Variants in MARK1 observed in about 807,000 individuals in gnomAD.
MARK1 encodes the protein serine/threonine-protein kinase MARK1.
In MARK1, 40 loss-of-function variants were observed where a neutral mutation model predicts 96.3. That is an observed-to-expected ratio of 0.42 (90% CI 0.32 to 0.54). The LOEUF is 0.54. Among genes scored for constraint, MARK1 ranks in the 20% least tolerant of loss-of-function variants. MARK1 has a pLI of 0.16. For synonymous variants in MARK1, 317 were observed against 341.2 expected, an observed-to-expected ratio of 0.93 and a Z score of 0.78; for missense variants, 719 against 984.6, an observed-to-expected ratio of 0.73 and a Z score of 3.61.
chr1:220,640,770 G>A (rs1314282849), intron 13 of MARK1, among the ~76,000 whole-genome samples: 1 of 152,098 alleles, frequency 6.6e-6, no homozygotes, highest in East Asian at 1.9e-4. Context: ...ATAAGAGGGG[G>A]CCAAATATGC....
intron 6 of MARK1, among the ~76,000 whole-genome samples, chr1:220,612,062 A>G (rs1028903585): frequency 3.3e-5 from 5 of 152,324 alleles, no homozygotes; most frequent in African/African-American, 1.2e-4. Flanking sequence ...TTATTCATTT[A>G]ATATCAGTCA....
chr1:220,616,335 C>T (rs551198339), intron 7 of MARK1, among the ~76,000 whole-genome samples: 6 of 152,242 alleles, frequency 3.9e-5, no homozygotes, highest in East Asian at 1.9e-4. Flanking sequence ...GTTTCCCTTA[C>T]GTAAGAGACA....
At chr1:220,642,789 G>A (rs1422094165) in intron 13 of MARK1, among the ~76,000 whole-genome samples, 2 of 152,192 alleles carry the variant, frequency 1.3e-5, no homozygotes, top group African/African-American at 4.8e-5. Context: ...GCAATCTGCT[G>A]TTCTGCAGCC....
At chr1:220,541,348 G>T (rs1661134990) in intron 1 of MARK1, among the ~76,000 whole-genome samples, 1 of 152,146 alleles carries the variant, frequency 6.6e-6, no homozygotes, top group Non-Finnish European at 1.5e-5. Flanking sequence ...CTGTCCTGGA[G>T]AATGTTCTGT....
chr1:220,532,397 A>G (rs924436970), intron 1 of MARK1, among the ~76,000 whole-genome samples: 8 of 152,186 alleles, frequency 5.3e-5, no homozygotes, highest in African/African-American at 1.7e-4. Flanking sequence ...TAATTGCCTG[A>G]CTTTGTCTCC....
At chr1:220,624,721 G>A (rs902122213) in intron 9 of MARK1, among the ~76,000 whole-genome samples, 7 of 152,116 alleles carry the variant, frequency 4.6e-5, no homozygotes, top group Non-Finnish European at 1.0e-4. Flanking sequence ...TGGATATGAA[G>A]TGAGCACCAA....
chr1:220,592,219 C>CATATTATATTATATTATATT (rs66795891), intron 3 of MARK1, among the ~76,000 whole-genome samples: 150 of 136,524 alleles, frequency 1.1e-3, no homozygotes, highest in East Asian at 4.5e-3. Flanking sequence ...ATGATTATAT[C>CATATTATATTATATTATATT]ATATTATATT....
intron 1 of MARK1, among the ~76,000 whole-genome samples, chr1:220,556,304 CACTTAA>C (rs375292461): frequency 5.3e-5 from 8 of 152,086 alleles, no homozygotes; most frequent in African/African-American, 7.2e-5. Flanking sequence ...AACGGGGAGA[CACTTAA>C]ACTTAAATGA....
chr1:220,540,382 G>A (rs1386044514), intron 1 of MARK1, among the ~76,000 whole-genome samples: 1 of 152,024 alleles, frequency 6.6e-6, no homozygotes, highest in Non-Finnish European at 1.5e-5. Context: ...TATTCCAATC[G>A]GGCTCTCTCA....
rs186481127 is a variant in MARK1, at chr1:220,661,697, A to G, written c.2034-115A>G. The G allele has an allele frequency of 4.9e-5, 35 of 720,578 alleles. No individual in the cohort carries two copies. The African/African-American group carries it at 6.1e-4, about 12-fold the overall frequency. The allele number at this position is 720,578 out of a possible 1,614,324, so 44.6% of individuals were successfully genotyped here. On this transcript the variant is annotated intron_variant, in intron 17 of 17. Coordinates refer to ENST00000366917, the MANE Select transcript of MARK1 (RefSeq NM_018650.5). Reference sequence around the variant, plus strand: ...GCGTCCATCTGAGGGTGGTCTGCAAATTAGGTAGTGTTATTAGGCACTGAA... The same window carrying G: ...GCGTCCATCTGAGGGTGGTCTGCAAGTTAGGTAGTGTTATTAGGCACTGAA...
At chr1:220,548,705 G>A (rs1037917148) in intron 1 of MARK1, among the ~76,000 whole-genome samples, 11 of 152,056 alleles carry the variant, frequency 7.2e-5, no homozygotes, top group East Asian at 1.9e-4. Flanking sequence ...GCGGTGAGCC[G>A]AGATTGTGCC....
At chr1:220,585,677 G>A (rs1010360078) in intron 3 of MARK1, among the ~76,000 whole-genome samples, 5 of 152,042 alleles carry the variant, frequency 3.3e-5, no homozygotes, top group Non-Finnish European at 7.4e-5. Context: ...AGTCTTTCAC[G>A]TTTTGAGTTT....
chr1:220,557,207 A>C (rs1210172495), intron 1 of MARK1, among the ~76,000 whole-genome samples: 1 of 152,230 alleles, frequency 6.6e-6, no homozygotes, highest in East Asian at 1.9e-4. Context: ...TTAAAATGAA[A>C]TAATGTTTTT....
chr1:220,582,308 T>C (rs1057463916), intron 3 of MARK1, among the ~76,000 whole-genome samples: 1 of 152,222 alleles, frequency 6.6e-6, no homozygotes, highest in Non-Finnish European at 1.5e-5. Flanking sequence ...GGGTCTCTTC[T>C]TGGAGAAAGT....
chr1:220,610,257 C>T (rs566068081), intron 6 of MARK1, among the ~76,000 whole-genome samples: 3 of 152,280 alleles, frequency 2.0e-5, no homozygotes, highest in Admixed American at 2.0e-4. Flanking sequence ...TCTTTCTACT[C>T]TTTTTTCTCT....
At chr1:220,563,594 G>T (rs1461412125) in intron 1 of MARK1, among the ~76,000 whole-genome samples, 1 of 152,170 alleles carries the variant, frequency 6.6e-6, no homozygotes, top group African/African-American at 2.4e-5. Flanking sequence ...AGAGAAACTG[G>T]CAGGAGGCAT....
At chr1:220,534,638 T>G (rs902775310) in intron 1 of MARK1, among the ~76,000 whole-genome samples, 1 of 152,148 alleles carries the variant, frequency 6.6e-6, no homozygotes, top group Admixed American at 6.5e-5. Flanking sequence ...TTTCATCTTG[T>G]GTGACTGAAA....
chr1:220,538,610 A>G (rs1660893830), intron 1 of MARK1, among the ~76,000 whole-genome samples: 1 of 151,016 alleles, frequency 6.6e-6, no homozygotes, highest in Non-Finnish European at 1.5e-5. Flanking sequence ...CTGTGAAGAA[A>G]GTCATTGGTA....
In MARK1 at chr1:220,534,368, C is replaced by G. The variant is rs138268793; in HGVS notation, c.51+5495C>G. ...AGTTAACTATAGTCACCTCAGTGAT[C>G]TATTGAACACGAGGTCTTTTTCCTT... On this transcript the variant is annotated intron_variant, in intron 1 of 17. Transcript: ENST00000366917. Among the ~76,000 whole-genome samples, 221 of 152,186 alleles carry G rather than the reference C, an allele frequency of 1.5e-3. 2 individuals carry two copies. The highest frequency in any genetic ancestry group is 5.1e-3 in the African/African-American group (210 of 41,544).
Sources: gnomAD v4.1 joint callset for allele counts (sites outside exome capture counted in the v4.1 genomes callset) on GRCh38, gnomAD v4.1.1 for gene constraint, MANE v1.5 for transcripts, NCBI Gene and HGNC (gene_info 2026-07-23, HGNC 2026-07-21) for gene names.